Variants in ARHGEF12 observed in about 807,000 individuals in gnomAD.
ARHGEF12 encodes KMT2A/ARHGEF12 fusion protein.
In ARHGEF12, 66 loss-of-function variants were observed where a neutral mutation model predicts 211.2. The observed-to-expected ratio is 0.31, with a 90% CI of 0.26 to 0.38. ARHGEF12 has a LOEUF of 0.38. Among genes scored for constraint, ARHGEF12 ranks in the 10% least tolerant of loss-of-function variants. The pLI is 1.00. For synonymous variants in ARHGEF12, 592 were observed against 638.4 expected (o/e 0.93, Z 1.09); for missense variants, 1,429 against 1,869.5 (o/e 0.76, Z 4.34).
intron 1 of ARHGEF12, among the ~76,000 whole-genome samples, chr11:120,389,481 G>A (rs1318569718): frequency 6.6e-6 from 1 of 152,026 alleles, no homozygotes; most frequent in Admixed American, 6.6e-5. Flanking sequence ...ATTTTTGTGG[G>A]TACCTAGTAA....
At chr11:120,347,266 C>G (rs796447527) in intron 1 of ARHGEF12, among the ~76,000 whole-genome samples, 1,509 of 133,552 alleles carry the variant, frequency 0.011, 34 homozygotes, top group African/African-American at 0.035. Context: ...CTCTCTCTCT[C>G]TGTCTGTGTG....
At chr11:120,412,901 C>A (rs1360885087) in intron 4 of ARHGEF12, among the ~76,000 whole-genome samples, 2 of 152,192 alleles carry the variant, frequency 1.3e-5, no homozygotes. Flanking sequence ...ATTCTACCAT[C>A]ACAATATTTT....
At chr11:120,357,717 G>A (rs563966080) in intron 1 of ARHGEF12, among the ~76,000 whole-genome samples, 4 of 152,196 alleles carry the variant, frequency 2.6e-5, no homozygotes, top group Admixed American at 2.6e-4. Context: ...TTACAAGCAC[G>A]TGCCACCGCA....
At chr11:120,385,413 T>C in intron 1 of ARHGEF12, 1 of 985,364 alleles carries the variant, frequency 1.0e-6, no homozygotes, top group Non-Finnish European at 1.2e-6. Context: ...TTGGTGAGGA[T>C]TTCATTTTCT....
Position 120,486,632 on chromosome 11 carries a change from G to A in ARHGEF12, c.*1555G>A, listed in dbSNP as rs79425731. The A allele has an allele frequency of 0.076, 17,063 of 224,000 alleles. 838 individuals carry two copies. Among genetic ancestry groups the A allele is most frequent in the African/African-American group, 0.14 (6,222 of 44,942 alleles). 13.9% of individuals were successfully genotyped at this position (224,000 alleles called of 1,614,324 possible). A position where few individuals can be genotyped will look rare whatever the true frequency, so the allele number is the denominator to read the frequency against. ...CTGTTAATAAACAAGGAGTTCATCC[G>A]TTGCTCACATCTTTCATTGGTGCCC... On this transcript the variant is annotated 3_prime_UTR_variant, in exon 41 of 41. Transcript: ENST00000397843.
intron 39 of ARHGEF12, among the ~76,000 whole-genome samples, chr11:120,482,874 G>C (rs1947290170): frequency 6.6e-6 from 1 of 152,212 alleles, no homozygotes; most frequent in Admixed American, 6.5e-5. Flanking sequence ...GTTAAAGACT[G>C]GTCTCCCTTA....
At chr11:120,368,170 T>C (rs916919777) in intron 1 of ARHGEF12, among the ~76,000 whole-genome samples, 9 of 151,468 alleles carry the variant, frequency 5.9e-5, no homozygotes, top group African/African-American at 1.7e-4. Context: ...CTGGACCTCC[T>C]GGGCTCAAGC....
At chr11:120,381,467 A>G (rs1409787996) in intron 1 of ARHGEF12, among the ~76,000 whole-genome samples, 1 of 152,202 alleles carries the variant, frequency 6.6e-6, no homozygotes, top group Non-Finnish European at 1.5e-5. Context: ...GTATTTATGT[A>G]CAGTTTCTTT....
At chr11:120,480,860 C>T (rs1947213239) in intron 38 of ARHGEF12, among the ~76,000 whole-genome samples, 1 of 152,042 alleles carries the variant, frequency 6.6e-6, no homozygotes, top group Admixed American at 6.6e-5. Flanking sequence ...GGGTGGGTAC[C>T]TGGGAGCTTA....
In ARHGEF12 at chr11:120,478,140, C is replaced by T; in HGVS notation, c.3533-16C>T. ...TTTGTTTAGATATAGTCTACCTTTT[C>T]TATTCCATTGGACAGACAGAGATTT... On this transcript the variant is annotated splice_polypyrimidine_tract_variant and intron_variant, in intron 36 of 40. Coordinates refer to ENST00000397843, the MANE Select transcript of ARHGEF12 (RefSeq NM_015313.3). 1.3e-6 allele frequency: 2 copies of T among 1,563,820 alleles called. No homozygotes were observed. The highest frequency in any genetic ancestry group is 1.8e-6 in the Non-Finnish European group (2 of 1,141,054).
chr11:120,351,770 C>T (rs1032924165), intron 1 of ARHGEF12, among the ~76,000 whole-genome samples: 11 of 152,014 alleles, frequency 7.2e-5, no homozygotes, highest in Admixed American at 5.9e-4. Flanking sequence ...TGCGCCCGGC[C>T]GGATGTTACA....
chr11:120,374,735 T>A (rs1037587052), intron 1 of ARHGEF12, among the ~76,000 whole-genome samples: 18 of 152,338 alleles, frequency 1.2e-4, no homozygotes, highest in East Asian at 5.8e-4. Context: ...TAAATATTTT[T>A]AAAAAACTTT....
intron 1 of ARHGEF12, among the ~76,000 whole-genome samples, chr11:120,388,170 T>G (rs894599532): frequency 2.0e-4 from 30 of 152,198 alleles, no homozygotes; most frequent in Non-Finnish European, 3.7e-4. Flanking sequence ...TTTCTTGCTT[T>G]CTTTCTTGTC....
intron 1 of ARHGEF12, among the ~76,000 whole-genome samples, chr11:120,348,847 A>C (rs1361007279): frequency 6.6e-6 from 1 of 152,208 alleles, no homozygotes; most frequent in African/African-American, 2.4e-5. Context: ...GTCTCAAAAA[A>C]AATAATAATA....
chr11:120,360,732 G>C (rs1057414084), intron 1 of ARHGEF12, among the ~76,000 whole-genome samples: 2 of 151,934 alleles, frequency 1.3e-5, no homozygotes, highest in Admixed American at 6.6e-5. Context: ...ATTTCCAGAG[G>C]GAACTTCATT....
chr11:120,401,343 G>A (rs1944542864), intron 1 of ARHGEF12, among the ~76,000 whole-genome samples: 1 of 152,198 alleles, frequency 6.6e-6, no homozygotes, highest in Non-Finnish European at 1.5e-5. Flanking sequence ...TGAATTAGCA[G>A]TTCAGCTGGA....
intron 1 of ARHGEF12, among the ~76,000 whole-genome samples, chr11:120,360,044 T>C (rs1408960941): frequency 6.6e-6 from 1 of 152,154 alleles, no homozygotes; most frequent in Non-Finnish European, 1.5e-5. Context: ...GAAGGTTTCT[T>C]GGAGGAAGGT....
chr11:120,462,342 A>G (rs1946559633), intron 27 of ARHGEF12, among the ~76,000 whole-genome samples: 1 of 152,216 alleles, frequency 6.6e-6, no homozygotes, highest in Admixed American at 6.5e-5. Flanking sequence ...GTTTGCCACC[A>G]TATGTGGGTG....
chr11:120,457,011 A>C, intron 22 of ARHGEF12, 107 bp from the exon 23 acceptor site: 2 of 999,254 alleles, frequency 2.0e-6, no homozygotes, highest in African/African-American at 1.7e-5. Context: ...TTAAATAAGA[A>C]TGTAGCTATG....
Sources: allele counts gnomAD v4.1 joint callset (sites outside exome capture counted in the v4.1 genomes callset), GRCh38; gene constraint gnomAD v4.1.1; transcripts MANE v1.5; gene names NCBI Gene and HGNC (gene_info 2026-07-23, HGNC 2026-07-21).